Variants in CTNNA3 observed in about 807,000 individuals in gnomAD.
The protein encoded by CTNNA3 is catenin alpha-3.
CTNNA3 carries 76 observed loss-of-function variants against 95.7 expected under a neutral mutation model. The observed-to-expected ratio is 0.79, with a 90% CI of 0.66 to 0.96. The LOEUF (loss-of-function observed/expected upper bound fraction) is 0.96, where lower values mean the gene tolerates loss of function less well. CTNNA3 is among the 40% of genes least tolerant of loss of function. The probability of loss-of-function intolerance (pLI) is 0.00; values close to 1 mark genes in which losing one functional copy is unlikely to be tolerated. For missense variants in CTNNA3, 1,191 were observed against 1,089.8 expected (o/e 1.09, Z -1.31); for synonymous variants, 431 against 374.4 (o/e 1.15, Z -1.74).
At chr10:67,513,855 T>C (rs919465334) in intron 5 of CTNNA3, among the ~76,000 whole-genome samples, 1 of 152,174 alleles carries the variant, frequency 6.6e-6, no homozygotes, top group Admixed American at 6.5e-5. Context: ...GGTTTCAGGA[T>C]ACAAACCAGA....
chr10:67,311,945 T>TCACA (rs899677581), intron 5 of CTNNA3, among the ~76,000 whole-genome samples: 6 of 151,368 alleles, frequency 4.0e-5, no homozygotes, highest in Non-Finnish European at 7.4e-5. Flanking sequence ...AACTTTTTAG[T>TCACA]CACACACACA....
intron 7 of CTNNA3, among the ~76,000 whole-genome samples, chr10:66,876,659 G>A (rs940010437): frequency 4.6e-5 from 7 of 151,364 alleles, no homozygotes; most frequent in East Asian, 1.9e-4. Context: ...TTTTAAATTA[G>A]AGAAATTCTA....
intron 7 of CTNNA3, among the ~76,000 whole-genome samples, chr10:66,900,296 AAACT>A (rs1432078375): frequency 6.6e-6 from 1 of 152,172 alleles, no homozygotes; most frequent in Non-Finnish European, 1.5e-5. Flanking sequence ...GTTACAAGGA[AAACT>A]AACAAACAGA....
At chr10:67,130,598 A>C (rs771214489) in intron 7 of CTNNA3, among the ~76,000 whole-genome samples, 3 of 152,134 alleles carry the variant, frequency 2.0e-5, no homozygotes, top group Non-Finnish European at 4.4e-5. Context: ...ACTCAATACA[A>C]GGGCCTAACG....
intron 9 of CTNNA3, among the ~76,000 whole-genome samples, chr10:66,691,980 A>G (rs10822884): frequency 0.18 from 27,033 of 152,036 alleles, 3,028 homozygotes; most frequent in East Asian, 0.33. Flanking sequence ...ATCATCAAAG[A>G]CCAAAAGTAG....
intron 9 of CTNNA3, among the ~76,000 whole-genome samples, chr10:66,698,083 T>C (rs910717968): frequency 6.6e-6 from 1 of 152,196 alleles, no homozygotes; most frequent in Non-Finnish European, 1.5e-5. Flanking sequence ...CTCTGCCTTT[T>C]TACCCATGCC....
chr10:67,419,293 T>C (rs1403165303), intron 5 of CTNNA3, among the ~76,000 whole-genome samples: 1 of 152,000 alleles, frequency 6.6e-6, no homozygotes, highest in East Asian at 1.9e-4. Context: ...TACAATAACA[T>C]GCATTATCCT....
At chr10:66,080,634 T>A (rs2080719865) in intron 14 of CTNNA3, among the ~76,000 whole-genome samples, 1 of 152,102 alleles carries the variant, frequency 6.6e-6, no homozygotes, top group Admixed American at 6.6e-5. Flanking sequence ...AAATAATAAT[T>A]TCACTGACTG....
intron 4 of CTNNA3, among the ~76,000 whole-genome samples, chr10:67,526,953 C>A (rs7068960): frequency 6.6e-6 from 1 of 152,180 alleles, no homozygotes; most frequent in East Asian, 1.9e-4. Context: ...ATGACGAAAT[C>A]ATTGATGCTT....
At chr10:67,217,611 C>T (rs909766159) in intron 6 of CTNNA3, among the ~76,000 whole-genome samples, 2 of 152,192 alleles carry the variant, frequency 1.3e-5, no homozygotes, top group African/African-American at 4.8e-5. Flanking sequence ...TCCTCCTCTC[C>T]AACCACTGCC....
intron 9 of CTNNA3, among the ~76,000 whole-genome samples, chr10:66,661,245 T>C (rs1347695726): frequency 6.6e-6 from 1 of 152,124 alleles, no homozygotes; most frequent in Non-Finnish European, 1.5e-5. Context: ...AGAAGTTTAA[T>C]TGGATTTATA....
chr10:66,933,158 A>T (rs1304618468), intron 7 of CTNNA3, among the ~76,000 whole-genome samples: 1 of 152,236 alleles, frequency 6.6e-6, no homozygotes, highest in Admixed American at 6.5e-5. Context: ...GGCATGAGCC[A>T]AAAAGAAATC....
chr10:67,052,879 C>A (rs1474681953), intron 7 of CTNNA3, among the ~76,000 whole-genome samples: 2 of 152,032 alleles, frequency 1.3e-5, no homozygotes, highest in Non-Finnish European at 2.9e-5. Context: ...ATGTAAGTTT[C>A]GTAAATTCTA....
intron 5 of CTNNA3, among the ~76,000 whole-genome samples, chr10:67,362,096 A>G (rs1843009392): frequency 6.6e-6 from 1 of 152,122 alleles, no homozygotes; most frequent in Non-Finnish European, 1.5e-5. Context: ...TGACCTGATC[A>G]ATAACAAGTT....
rs1474663912 is a variant in CTNNA3 at position 66,198,317 on chromosome 10, T to A, written c.1884+82153A>T. On this transcript the variant is annotated intron_variant, in intron 13 of 17. Transcript: ENST00000433211. ...GAAAGAGCCAAGTTTAATCTGCATA[T>A]AATCTGTCATCTGAAACTATCGGAA... is the stretch of plus-strand genomic sequence containing the variant. Among the ~76,000 whole-genome samples, 10 of 152,320 alleles carry A rather than the reference T, an allele frequency of 6.6e-5. No individual in the cohort carries two copies. The South Asian group carries it at 2.1e-3, about 32-fold the overall frequency.
chr10:66,632,441 G>A (rs1034064068), intron 9 of CTNNA3, among the ~76,000 whole-genome samples: 8 of 151,404 alleles, frequency 5.3e-5, no homozygotes, highest in Non-Finnish European at 1.0e-4. Flanking sequence ...TGTAATCCCA[G>A]CTACTTGGGA....
Position 66,927,123 on chromosome 10 carries a change from C to T in CTNNA3, c.1048-151599G>A. The T allele has an allele frequency of 1.9e-6, 3 of 1,614,136 alleles. No individual in the cohort carries two copies. Among genetic ancestry groups the T allele is most frequent in the Non-Finnish European group, 2.5e-6 (3 of 1,180,024 alleles). On this transcript the variant is annotated intron_variant, in intron 7 of 17. Transcript: ENST00000433211. This position sits in a 1 kb window ranked among gnomAD's most constrained non-coding sequence, Gnocchi z 4.7. ...CTGGTTGCTTAGGTTTGTCCCTTCG[C>T]TATAACAGCCTTCAAAAACTTAAGT...
At chr10:66,759,900 T>C (rs545438386) in intron 9 of CTNNA3, among the ~76,000 whole-genome samples, 1 of 152,236 alleles carries the variant, frequency 6.6e-6, no homozygotes, top group Non-Finnish European at 1.5e-5. Flanking sequence ...CCAGTTTACC[T>C]GTTTAGTTTT....
chr10:67,251,331 G>A (rs560569204), intron 5 of CTNNA3, among the ~76,000 whole-genome samples: 1 of 152,240 alleles, frequency 6.6e-6, no homozygotes, highest in East Asian at 1.9e-4. Context: ...GGGGTTGGGG[G>A]CAGGAGTGAC....
Sources: allele counts gnomAD v4.1 joint callset (sites outside exome capture counted in the v4.1 genomes callset), GRCh38; gene constraint gnomAD v4.1.1; non-coding constraint Gnocchi (gnomAD v3.1); transcripts MANE v1.5; gene names NCBI Gene and HGNC (gene_info 2026-07-23, HGNC 2026-07-21).